The following SMOC2 variants were observed in gnomAD, a reference collection of about 807,000 sequenced individuals.
SMOC2 encodes the protein SPARC-related modular calcium-binding protein 2.
In SMOC2, 39 loss-of-function variants were observed where a neutral mutation model predicts 61.4. The ratio of observed to expected loss-of-function variants is 0.64; its 90% CI spans 0.49 to 0.83. The LOEUF is 0.83. SMOC2 is among the 40% of genes least tolerant of loss of function. SMOC2 has a pLI of 0.00. For synonymous variants in SMOC2, 247 were observed against 239.9 expected, an observed-to-expected ratio of 1.03 and a Z score of -0.27; for missense variants, 556 against 592.9, an observed-to-expected ratio of 0.94 and a Z score of 0.65.
At position 168,478,990 on chromosome 6, in the gene SMOC2, G is replaced by A. The variant is rs1189859896; in HGVS notation, c.85-30925G>A. ...GATTTATGGTATCTGGTCTAGAACA[G>A]CCCTGGTTTACAGACCCTGTCTCGG... On this transcript the variant is annotated intron_variant, in intron 1 of 12. Coordinates refer to ENST00000356284, the MANE Select transcript of SMOC2 (RefSeq NM_001166412.2). 5.3e-5 allele frequency among the ~76,000 whole-genome samples: 8 copies of A among 152,060 alleles called. No homozygotes were observed. In the East Asian group the frequency reaches 1.5e-3, roughly 29 times the overall value.
chr6:168,529,880 G>A (rs1783544606), intron 4 of SMOC2, among the ~76,000 whole-genome samples: 1 of 152,240 alleles, frequency 6.6e-6, no homozygotes, highest in African/African-American at 2.4e-5. Flanking sequence ...GCAGTGTCTT[G>A]ATCTGTAGGC....
rs563725679 is a variant in SMOC2 at position 168,519,565 on chromosome 6, G to T, written c.257-6781G>T. 9.2e-4 allele frequency among the ~76,000 whole-genome samples: 140 copies of T among 152,298 alleles called. 4 individuals carry two copies. In the South Asian group the frequency reaches 0.028, roughly 30 times the overall value. The stretch of plus-strand genomic sequence containing the variant: ...TCGGTCTCGTGTGCAGCCGTGATCA[G>T]AAACACAGCCGGACGTTCCTAGAAC... On this transcript the variant is annotated intron_variant, in intron 2 of 12. Transcript: ENST00000356284.
chr6:168,557,441 A>C (rs1179286865), intron 7 of SMOC2, among the ~76,000 whole-genome samples: 2 of 152,260 alleles, frequency 1.3e-5, no homozygotes, highest in African/African-American at 4.8e-5. Context: ...ACTGTGGTTA[A>C]GTAATCAGAA....
intron 1 of SMOC2, among the ~76,000 whole-genome samples, chr6:168,508,374 CTT>C (rs1782925032): frequency 6.6e-6 from 1 of 152,160 alleles, no homozygotes. Context: ...AGAACTGAGA[CTT>C]AACCCACAGT....
chr6:168,521,301 A>G (rs1783323515), intron 2 of SMOC2, among the ~76,000 whole-genome samples: 1 of 152,110 alleles, frequency 6.6e-6, no homozygotes, highest in African/African-American at 2.4e-5. Context: ...GGTGCCCACC[A>G]CCAAACCTGG....
At chr6:168,624,387 A>G (rs995866481) in intron 9 of SMOC2, among the ~76,000 whole-genome samples, 2 of 152,226 alleles carry the variant, frequency 1.3e-5, no homozygotes, top group Non-Finnish European at 2.9e-5. Context: ...CATTCTGTAC[A>G]ATAAAGTACT....
chr6:168,664,227 A>C, intron 12 of SMOC2, 116 bp downstream of exon 12: 2 of 873,342 alleles, frequency 2.3e-6, no homozygotes, highest in Non-Finnish European at 3.7e-6. Context: ...CCAAGAAAAT[A>C]AATAATTCAA....
chr6:168,663,327 C>A (rs1180557363), intron 11 of SMOC2, among the ~76,000 whole-genome samples: 2 of 152,170 alleles, frequency 1.3e-5, no homozygotes. Context: ...CGGGCTTTGA[C>A]TCTACTCGAA....
At chr6:168,632,344 G>C (rs1786591936) in intron 9 of SMOC2, among the ~76,000 whole-genome samples, 1 of 152,162 alleles carries the variant, frequency 6.6e-6, no homozygotes, top group Non-Finnish European at 1.5e-5. Flanking sequence ...CAACAACTTT[G>C]CTATCTTTGA....
chr6:168,513,324 A>G (rs1783052168), intron 2 of SMOC2, among the ~76,000 whole-genome samples: 1 of 131,134 alleles, frequency 7.6e-6, no homozygotes, highest in South Asian at 3.0e-4. Flanking sequence ...GTTCTATATC[A>G]GTATTTTGTC....
At chr6:168,631,613 C>G (rs1404405086) in intron 9 of SMOC2, among the ~76,000 whole-genome samples, 1 of 152,180 alleles carries the variant, frequency 6.6e-6, no homozygotes, top group Non-Finnish European at 1.5e-5. Context: ...AAAAGCTTTT[C>G]TTGAAGGAAT....
intron 11 of SMOC2, among the ~76,000 whole-genome samples, chr6:168,661,373 A>T (rs1049345359): frequency 6.6e-6 from 1 of 152,136 alleles, no homozygotes; most frequent in African/African-American, 2.4e-5. Flanking sequence ...GCACTTTGGG[A>T]GGCCGAGGCC....
At chr6:168,658,263 T>A (rs1033929589) in intron 11 of SMOC2, among the ~76,000 whole-genome samples, 2 of 152,192 alleles carry the variant, frequency 1.3e-5, no homozygotes, top group African/African-American at 4.8e-5. Context: ...ATGTGATGAG[T>A]GACACCTTGT....
At chr6:168,513,092 A>G (rs539871234) in intron 2 of SMOC2, among the ~76,000 whole-genome samples, 1 of 152,372 alleles carries the variant, frequency 6.6e-6, no homozygotes, top group Admixed American at 6.5e-5. Flanking sequence ...TGAATTATAT[A>G]CTTGTATGCA....
At chr6:168,584,620 A>G (rs561574272) in intron 7 of SMOC2, among the ~76,000 whole-genome samples, 2 of 149,940 alleles carry the variant, frequency 1.3e-5, no homozygotes, top group Admixed American at 1.3e-4. Flanking sequence ...CTGATATACT[A>G]TTCATTTTTA....
intron 7 of SMOC2, among the ~76,000 whole-genome samples, chr6:168,554,346 C>T (rs890019386): frequency 6.6e-6 from 1 of 152,038 alleles, no homozygotes; most frequent in Non-Finnish European, 1.5e-5. Flanking sequence ...TTGGGGTGTC[C>T]TACTACTATT....
rs868264374 is a variant in SMOC2 at position 168,553,724 on chromosome 6, G to A, written c.637+4521G>A. Among the ~76,000 whole-genome samples the A allele has an allele frequency of 7.2e-5, 11 of 152,340 alleles. No homozygotes were observed. Among genetic ancestry groups the A allele is most frequent in the African/African-American group, 2.2e-4 (9 of 41,570 alleles). On this transcript the variant is annotated intron_variant, in intron 7 of 12. Coordinates refer to ENST00000356284, the MANE Select transcript of SMOC2 (RefSeq NM_001166412.2). This position sits in a 1 kb window ranked among gnomAD's most constrained non-coding sequence, Gnocchi z 4.2. ...CCAAGGAGGGCTCTATCTCTGGGGC[G>A]AGGAGGCATCCAGGCTCACGGGACG...
chr6:168,659,722 G>T (rs1787447063), intron 11 of SMOC2, among the ~76,000 whole-genome samples: 3 of 151,764 alleles, frequency 2.0e-5, no homozygotes, highest in African/African-American at 7.3e-5. Context: ...GGCTGAGTGA[G>T]GGTGGAGGTT....
Position 168,617,933 on chromosome 6 carries a change from C to T in SMOC2, c.907+9694C>T, listed in dbSNP as rs2115226219. On this transcript the variant is annotated intron_variant, in intron 9 of 12. Coordinates refer to ENST00000356284, the MANE Select transcript of SMOC2 (RefSeq NM_001166412.2). ...TCGCTGAGGGGCCATGCCTCCAGCA[C>T]ACAGGACACAGGTCATTTCCCTGAG... Among the ~76,000 whole-genome samples the T allele has an allele frequency of 2.0e-5, 3 of 152,342 alleles. No homozygotes were observed. In the Middle Eastern group the frequency reaches 0.01, roughly 518 times the overall value.
Sources: allele counts gnomAD v4.1 joint callset (sites outside exome capture counted in the v4.1 genomes callset), GRCh38; gene constraint gnomAD v4.1.1; non-coding constraint Gnocchi (gnomAD v3.1); transcripts MANE v1.5; gene names NCBI Gene and HGNC (gene_info 2026-07-23, HGNC 2026-07-21).